The following CNTNAP4 variants were observed in gnomAD, a reference collection of about 807,000 sequenced individuals.
CNTNAP4 encodes the protein contactin-associated protein-like 4.
Under a neutral mutation model 148.4 loss-of-function variants are expected in CNTNAP4, and 98 were observed. That is an observed-to-expected ratio of 0.66 (90% CI 0.56 to 0.78). The LOEUF (loss-of-function observed/expected upper bound fraction) is 0.78, where lower values mean the gene tolerates loss of function less well. Ranked by LOEUF, CNTNAP4 falls within the 30% of genes least tolerant of loss-of-function variation. The pLI, the probability that CNTNAP4 is intolerant of heterozygous loss-of-function variation, is 0.00. For synonymous variants in CNTNAP4, 730 were observed against 565.1 expected (o/e 1.29, Z -4.14); for missense variants, 1,935 against 1,565.6 (o/e 1.24, Z -3.98).
intron 17 of CNTNAP4, among the ~76,000 whole-genome samples, chr16:76,534,601 T>G (rs1403576943): frequency 6.6e-6 from 1 of 152,214 alleles, no homozygotes; most frequent in East Asian, 1.9e-4. Context: ...TACACTTCTA[T>G]CAGGGTAGTG....
chr16:76,452,761 T>C lies in CNTNAP4; in HGVS notation c.1325T>C (p.Ile442Thr). ...CAGCCAGGAAAATTACCCAGTGACATCACAGCAGGTAATAAATGTATTCCC... is the reference window on the plus strand; with the variant it reads ...CAGCCAGGAAAATTACCCAGTGACACCACAGCAGGTAATAAATGTATTCCC... ...LYQPGKLPSDITAGVELNDGQ... is the reference protein window; with the variant it reads ...LYQPGKLPSDTTAGVELNDGQ... Residue 442 changes from isoleucine to threonine, a missense_variant, in exon 8 of 24, where the codon ATC becomes ACC. Coordinates refer to ENST00000611870, the MANE Select transcript of CNTNAP4 (RefSeq NM_033401.5). 1 of 1,578,542 alleles carries C rather than the reference T, an allele frequency of 6.3e-7. No homozygotes were observed.
In CNTNAP4 at chr16:76,452,657, G is replaced by A. The variant is rs1471814630; in HGVS notation, c.1221G>A (p.Leu407=). The stretch of plus-strand genomic sequence containing the variant: ...GAACTTGGAATAAGGCAGGGCTTCT[G>A]CTGTTCAGTGAACTTCAGCTGATTT... ...QFRTWNKAGL[L]LFSELQLISG... is the part of the protein sequence containing the mutation. Residue 407 remains leucine, a synonymous_variant, in exon 8 of 24, where the codon CTG becomes CTA. Transcript: ENST00000611870. 1 of 1,613,912 alleles carries A rather than the reference G, an allele frequency of 6.2e-7. No individual in the cohort carries two copies. Among genetic ancestry groups the A allele is most frequent in the Non-Finnish European group, 8.5e-7 (1 of 1,179,862 alleles).
intron 15 of CNTNAP4, among the ~76,000 whole-genome samples, chr16:76,502,889 A>G (rs578108767): frequency 1.3e-4 from 20 of 152,214 alleles, no homozygotes; most frequent in South Asian, 6.2e-4. Context: ...AATGTAGATC[A>G]GCCATGTTTT....
chr16:76,411,993 A>G (rs2078816078), intron 3 of CNTNAP4, among the ~76,000 whole-genome samples: 1 of 151,478 alleles, frequency 6.6e-6, no homozygotes, highest in South Asian at 2.1e-4. Context: ...ATGACCATGA[A>G]TTCTATTGCC....
chr16:76,346,971 A>G (rs1964954022), intron 2 of CNTNAP4, among the ~76,000 whole-genome samples: 1 of 152,202 alleles, frequency 6.6e-6, no homozygotes, highest in African/African-American at 2.4e-5. Context: ...AAGAACTAAA[A>G]CAGAAGACAA....
At chr16:76,540,646 C>G (rs1308403559) in intron 20 of CNTNAP4, 57 bp from the exon 21 acceptor site, 14 of 1,273,338 alleles carry the variant, frequency 1.1e-5, no homozygotes, top group Non-Finnish European at 1.6e-5. Context: ...TGCTTCCTGT[C>G]TTCTCAACAA....
Position 76,310,914 on chromosome 16 carries a change from A to G in CNTNAP4, c.86-5499A>G, listed in dbSNP as rs935039387. ...AATTTAAATACACTTTCTACCACCT[A>G]TTAGTCATGGGTCCTTAGGTAAATT... On this transcript the variant is annotated intron_variant, in intron 1 of 23. Transcript: ENST00000611870. Among the ~76,000 whole-genome samples the G allele has an allele frequency of 3.3e-5, 5 of 151,982 alleles. No homozygotes were observed. In the East Asian group the frequency reaches 5.8e-4, roughly 18 times the overall value.
chr16:76,498,628 A>G lies in CNTNAP4; in HGVS notation c.2299A>G (p.Thr767Ala), dbSNP rs2082497166. ...EHLPVTKIVI[T>A]DTGRLHSEAA... ...TCTTCCAGTAACTAAGATCGTGATT[A>G]CAGACACAGGCCGACTGCATTCAGA... The change falls in exon 15 of 24, where the codon ACA becomes GCA. Residue 767 changes from threonine (T) to alanine (A), a missense_variant. By Grantham distance (58) the Thr-to-Ala change is moderately conservative. Coordinates refer to ENST00000611870, the MANE Select transcript of CNTNAP4 (RefSeq NM_033401.5). 2 of 1,613,000 alleles carry G rather than the reference A, an allele frequency of 1.2e-6. No homozygotes were observed. The highest frequency in any genetic ancestry group is 8.5e-7 in the Non-Finnish European group (1 of 1,179,358).
intron 12 of CNTNAP4, among the ~76,000 whole-genome samples, chr16:76,486,330 T>G (rs1299991996): frequency 2.0e-5 from 3 of 152,158 alleles, no homozygotes; most frequent in Non-Finnish European, 2.9e-5. Flanking sequence ...GCATTATTAA[T>G]GAAGAAATTG....
At chr16:76,339,439 T>C (rs184925527) in intron 2 of CNTNAP4, among the ~76,000 whole-genome samples, 10 of 152,286 alleles carry the variant, frequency 6.6e-5, no homozygotes. Context: ...AAGATATTTA[T>C]GTTAAGATAC....
intron 3 of CNTNAP4, among the ~76,000 whole-genome samples, chr16:76,369,775 G>T (rs564581788): frequency 6.6e-6 from 1 of 152,314 alleles, no homozygotes; most frequent in African/African-American, 2.4e-5. Context: ...CTGGGAAGCA[G>T]ATGTTGCAGT....
At chr16:76,321,205 C>G (rs1197057969) in intron 2 of CNTNAP4, among the ~76,000 whole-genome samples, 1 of 152,166 alleles carries the variant, frequency 6.6e-6, no homozygotes, top group African/African-American at 2.4e-5. Context: ...TAAAATCAAG[C>G]ACTTATCTGT....
intron 3 of CNTNAP4, among the ~76,000 whole-genome samples, chr16:76,392,231 T>C (rs967996233): frequency 2.0e-4 from 30 of 152,152 alleles, no homozygotes; most frequent in African/African-American, 7.0e-4. Context: ...TGACCTCAAG[T>C]GATCTGCCTG....
At chr16:76,521,374 A>G (rs1248436108) in intron 16 of CNTNAP4, 64 bp downstream of exon 16, 1 of 1,322,724 alleles carries the variant, frequency 7.6e-7, no homozygotes, top group Non-Finnish European at 1.0e-6. Flanking sequence ...CTTTTAACTA[A>G]TTTTTAAACT....
chr16:76,539,880 T>C (rs778139969), intron 20 of CNTNAP4, 28 bp downstream of exon 20: 4 of 1,515,932 alleles, frequency 2.6e-6, no homozygotes, highest in Non-Finnish European at 3.5e-6. Context: ...GCAGAAGCAA[T>C]CATTTTAATG....
intron 1 of CNTNAP4, among the ~76,000 whole-genome samples, chr16:76,281,989 A>G (rs1241267350): frequency 6.6e-6 from 1 of 151,948 alleles, no homozygotes; most frequent in African/African-American, 2.4e-5. Flanking sequence ...AACTACTTAC[A>G]TAAGATTCTT....
chr16:76,440,677 T>G (rs1195507655), intron 4 of CNTNAP4, among the ~76,000 whole-genome samples: 1 of 152,128 alleles, frequency 6.6e-6, no homozygotes, highest in African/African-American at 2.4e-5. Context: ...TGTTCCAGGT[T>G]AGAATTCCAG....
intron 1 of CNTNAP4, among the ~76,000 whole-genome samples, chr16:76,310,224 C>A (rs900192616): frequency 6.6e-6 from 1 of 152,100 alleles, no homozygotes. Context: ...GGAGACAAGA[C>A]GCCACCTGGG....
At chr16:76,554,264 G>T (rs182221252) in intron 23 of CNTNAP4, among the ~76,000 whole-genome samples, 3 of 152,130 alleles carry the variant, frequency 2.0e-5, no homozygotes, top group Admixed American at 2.0e-4. Flanking sequence ...TTCACTTCTT[G>T]GACATATCAC....
Sources: allele counts gnomAD v4.1 joint callset (sites outside exome capture counted in the v4.1 genomes callset), GRCh38; gene constraint gnomAD v4.1.1; transcripts MANE v1.5; gene names NCBI Gene and HGNC (gene_info 2026-07-23, HGNC 2026-07-21).